NR1D2: variants seen among roughly 807,000 people sequenced by gnomAD.
NR1D2 encodes nuclear receptor subfamily 1 group D member 2, also known as V-erbA-related protein 1-related.
NR1D2 carries 25 observed loss-of-function variants against 52.2 expected under a neutral mutation model. The ratio of observed to expected loss-of-function variants is 0.48; its 90% CI spans 0.35 to 0.67. The LOEUF is 0.67. Ranked by LOEUF, NR1D2 falls within the 30% of genes least tolerant of loss-of-function variation. NR1D2 has a pLI of 0.01. For missense variants in NR1D2, 681 were observed against 707.2 expected, an observed-to-expected ratio of 0.96 and a Z score of 0.42; for synonymous variants, 259 against 230.1, an observed-to-expected ratio of 1.13 and a Z score of -1.14.
chr3:23,948,422 C>T (rs1705834694), intron 1 of NR1D2, among the ~76,000 whole-genome samples: 1 of 152,070 alleles, frequency 6.6e-6, no homozygotes, highest in Non-Finnish European at 1.5e-5. Flanking sequence ...CTCTACTGGT[C>T]AGTAGGGTTA....
At chr3:23,972,579 A>G (rs918688223) in intron 7 of NR1D2, among the ~76,000 whole-genome samples, 3 of 152,096 alleles carry the variant, frequency 2.0e-5, no homozygotes, top group Non-Finnish European at 4.4e-5. Flanking sequence ...AGTTGTCTTC[A>G]TAGAGATTTT....
intron 4 of NR1D2, among the ~76,000 whole-genome samples, chr3:23,961,468 G>A (rs141576844): frequency 6.2e-4 from 84 of 134,794 alleles, no homozygotes; most frequent in African/African-American, 2.2e-3. Context: ...CCATCTCGAC[G>A]CACTGCAACC....
At position 23,962,095 on chromosome 3, in the gene NR1D2, A is replaced by G; in HGVS notation, c.636A>G (p.Leu212=). ...GTGGTCACTTGCAAAATGACACATT[A>G]GTAGAACATCATGAACAGACAGCCT... ...QFSGHLQNDT[L]VEHHEQTALP... Residue 212 remains leucine, a synonymous_variant, in exon 5 of 8, where the codon TTA becomes TTG. Transcript: ENST00000312521. 1.2e-6 allele frequency: 2 copies of G among 1,614,242 alleles called. No homozygotes were observed. Among genetic ancestry groups the G allele is most frequent in the Non-Finnish European group, 1.7e-6 (2 of 1,180,038 alleles).
chr3:23,975,113 C>G (rs1273840820), intron 7 of NR1D2, among the ~76,000 whole-genome samples: 1 of 151,834 alleles, frequency 6.6e-6, no homozygotes, highest in Admixed American at 6.6e-5. Flanking sequence ...GCCACCACGT[C>G]CTGCCCAACA....
chr3:23,973,689 C>T (rs1706649090), intron 7 of NR1D2, among the ~76,000 whole-genome samples: 1 of 152,058 alleles, frequency 6.6e-6, no homozygotes, highest in African/African-American at 2.4e-5. Context: ...ATAAATTAAC[C>T]TTAGCTTGCT....
At chr3:23,946,097 C>T (rs1264548958) in intron 1 of NR1D2, 26 of 984,626 alleles carry the variant, frequency 2.6e-5, no homozygotes, top group Non-Finnish European at 3.1e-5. Flanking sequence ...TTGGAAGCCT[C>T]GGGGCAGTGA....
At chr3:23,961,133 G>C (rs1465383677) in intron 4 of NR1D2, among the ~76,000 whole-genome samples, 1 of 151,842 alleles carries the variant, frequency 6.6e-6, no homozygotes, top group East Asian at 1.9e-4. Context: ...AAAGAGGCTG[G>C]AAAAGAAGAC....
At chr3:23,960,417 A>G (rs935552270) in intron 4 of NR1D2, among the ~76,000 whole-genome samples, 24 of 152,204 alleles carry the variant, frequency 1.6e-4, no homozygotes, top group African/African-American at 4.8e-4. Flanking sequence ...TGTAGCCTCT[A>G]TCTCCCAGGT....
chr3:23,965,195 G>T (rs757586172), intron 6 of NR1D2, 33 bp downstream of exon 6: 1 of 1,410,302 alleles, frequency 7.1e-7, no homozygotes, highest in East Asian at 2.4e-5. Flanking sequence ...ATTGATGCAG[G>T]CAGGGCATGT....
chr3:23,963,798 T>G (rs942941106), intron 5 of NR1D2, among the ~76,000 whole-genome samples: 1 of 152,182 alleles, frequency 6.6e-6, no homozygotes, highest in Non-Finnish European at 1.5e-5. Context: ...TGGTTCTGAT[T>G]TCATGATATT....
intron 7 of NR1D2, among the ~76,000 whole-genome samples, chr3:23,968,229 C>A (rs868051461): frequency 1.4e-4 from 21 of 152,156 alleles, no homozygotes; most frequent in Admixed American, 2.6e-4. Context: ...TAAAGTAATA[C>A]TTACATCTAG....
intron 1 of NR1D2, chr3:23,946,293 C>G: frequency 1.0e-6 from 1 of 985,510 alleles, no homozygotes; most frequent in Non-Finnish European, 1.2e-6. Context: ...CCAAACGAAC[C>G]GGCGCCTGGG....
intron 1 of NR1D2, among the ~76,000 whole-genome samples, chr3:23,953,108 G>A (rs1165548615): frequency 2.6e-5 from 4 of 151,680 alleles, no homozygotes; most frequent in African/African-American, 9.7e-5. Context: ...AGGCCAAGGT[G>A]GGTGGATCAC....
At chr3:23,959,047 C>A (rs1304334294) in intron 3 of NR1D2, among the ~76,000 whole-genome samples, 2 of 152,164 alleles carry the variant, frequency 1.3e-5, no homozygotes, top group South Asian at 2.1e-4. Context: ...GCTGGCAGAT[C>A]ACTTGAGCCC....
intron 6 of NR1D2, among the ~76,000 whole-genome samples, chr3:23,966,967 G>T (rs1405405501): frequency 6.6e-6 from 1 of 152,094 alleles, no homozygotes; most frequent in East Asian, 1.9e-4. Flanking sequence ...GGAGGTTCAG[G>T]TTGCAGTGAG....
chr3:23,957,061 C>T (rs560097872), intron 3 of NR1D2, among the ~76,000 whole-genome samples: 80 of 151,970 alleles, frequency 5.3e-4, no homozygotes, highest in Middle Eastern at 3.4e-3. Context: ...TGGTTCACTG[C>T]AACCTCTGCC....
intron 1 of NR1D2, among the ~76,000 whole-genome samples, chr3:23,948,475 A>G (rs1262949043): frequency 2.6e-5 from 4 of 152,210 alleles, no homozygotes; most frequent in African/African-American, 9.6e-5. Context: ...CAAAGAAACC[A>G]CTGGATCCTT....
intron 1 of NR1D2, 105 bp from the exon 2 acceptor site, chr3:23,954,432 C>G: frequency 1.1e-6 from 1 of 920,046 alleles, no homozygotes; most frequent in Non-Finnish European, 1.7e-6. Context: ...CATTTCATAT[C>G]AGTATCCTGT....
chr3:23,949,743 G>C (rs1705874017), intron 1 of NR1D2, among the ~76,000 whole-genome samples: 1 of 152,162 alleles, frequency 6.6e-6, no homozygotes. Flanking sequence ...AAAGCTTCTT[G>C]GTGATAAAAT....
Sources: allele counts gnomAD v4.1 joint callset (sites outside exome capture counted in the v4.1 genomes callset), GRCh38; gene constraint gnomAD v4.1.1; transcripts MANE v1.5; gene names NCBI Gene and HGNC (gene_info 2026-07-23, HGNC 2026-07-21).